ZNF366: variants seen among roughly 807,000 people sequenced by gnomAD.
The protein encoded by ZNF366 is dendritic cell-specific transcript protein.
In ZNF366, 20 loss-of-function variants were observed where a neutral mutation model predicts 47.2. That is an observed-to-expected ratio of 0.42 (90% CI 0.30 to 0.62). The LOEUF is 0.62. ZNF366 is among the 20% of genes least tolerant of loss of function. The probability of loss-of-function intolerance (pLI) is 0.16; values close to 1 mark genes in which losing one functional copy is unlikely to be tolerated. For missense variants in ZNF366, 987 were observed against 976.3 expected (o/e 1.01, Z -0.15); for synonymous variants, 421 against 395.1 (o/e 1.07, Z -0.78).
chr5:72,452,127 T>C (rs1246909707), intron 3 of ZNF366, among the ~76,000 whole-genome samples: 1 of 152,226 alleles, frequency 6.6e-6, no homozygotes, highest in East Asian at 1.9e-4. Context: ...TGTTTTCCTA[T>C]TCAGAGAGAA....
rs1453608745 is a variant in ZNF366, at chr5:72,442,671, T to C, written c.*1085A>G. On this transcript the variant is annotated 3_prime_UTR_variant, in exon 5 of 5. Coordinates refer to ENST00000318442, the MANE Select transcript of ZNF366 (RefSeq NM_152625.3). ...CTGTCCTTTTTTTTTTTTTTTTTTTTTTGAGGCAGAGTCTCACTCTGTCAC... is the reference window on the plus strand; with the variant it reads ...CTGTCCTTTTTTTTTTTTTTTTTTTCTTGAGGCAGAGTCTCACTCTGTCAC... The C allele has an allele frequency of 6.8e-6, 1 of 147,676 alleles. No homozygotes were observed. The highest frequency in any genetic ancestry group is 2.5e-5 in the African/African-American group (1 of 39,884). The allele number at this position is 147,676 out of a possible 1,614,324, so 9.1% of individuals were successfully genotyped here. A position where few individuals can be genotyped will look rare whatever the true frequency, so the allele number is the denominator to read the frequency against.
chr5:72,493,967 T>G (rs1744062990), intron 1 of ZNF366, among the ~76,000 whole-genome samples: 2 of 141,030 alleles, frequency 1.4e-5, no homozygotes, highest in South Asian at 5.0e-4. Flanking sequence ...GAGGTGGGGT[T>G]TCACCATATT....
intron 3 of ZNF366, among the ~76,000 whole-genome samples, chr5:72,454,118 T>A (rs922118302): frequency 1.3e-5 from 2 of 152,256 alleles, no homozygotes; most frequent in African/African-American, 4.8e-5. Flanking sequence ...TGGGTTGTGA[T>A]GGTGTGGACC....
intron 1 of ZNF366, among the ~76,000 whole-genome samples, chr5:72,480,867 A>G (rs2112343724): frequency 6.6e-6 from 1 of 152,348 alleles, no homozygotes; most frequent in East Asian, 1.9e-4. Flanking sequence ...AAATTCATGG[A>G]AAATTCCACG....
At chr5:72,450,032 G>T (rs1743034208) in intron 3 of ZNF366, among the ~76,000 whole-genome samples, 1 of 152,172 alleles carries the variant, frequency 6.6e-6, no homozygotes. Flanking sequence ...CATGATGAGA[G>T]AAATTCTTTC....
intron 1 of ZNF366, among the ~76,000 whole-genome samples, chr5:72,466,190 A>G (rs1411095582): frequency 6.6e-6 from 1 of 152,106 alleles, no homozygotes; most frequent in Non-Finnish European, 1.5e-5. Flanking sequence ...AAGGTGAACC[A>G]CGCTCAAAAA....
At chr5:72,478,426 T>C (rs1339028855) in intron 1 of ZNF366, among the ~76,000 whole-genome samples, 1 of 152,120 alleles carries the variant, frequency 6.6e-6, no homozygotes, top group Non-Finnish European at 1.5e-5. Flanking sequence ...AATCAAAGCA[T>C]AGAAAGGAAC....
intron 3 of ZNF366, among the ~76,000 whole-genome samples, chr5:72,451,841 G>A (rs1363406911): frequency 2.6e-5 from 4 of 152,226 alleles, no homozygotes; most frequent in Non-Finnish European, 5.9e-5. Context: ...CCCATCCTTA[G>A]TCTGCCCTTT....
At position 72,507,334 on chromosome 5, in the gene ZNF366, C is replaced by T. The variant is rs1744338985; in HGVS notation, c.-98G>A. 1.0e-6 allele frequency: 1 copy of T among 985,434 alleles called. No homozygotes were observed. The highest frequency in any genetic ancestry group is 1.2e-6 in the Non-Finnish European group (1 of 830,002). The allele number at this position is 985,434 out of a possible 1,614,324, so 61.0% of individuals were successfully genotyped here. A position where few individuals can be genotyped will look rare whatever the true frequency, so the allele number is the denominator to read the frequency against. ...CTCTGTCTCTCTCCCTCTCTCTCTCCCTCTTTCTCTTGTGTACAGATTGCA... is the reference window on the plus strand; with the variant it reads ...CTCTGTCTCTCTCCCTCTCTCTCTCTCTCTTTCTCTTGTGTACAGATTGCA... On this transcript the variant is annotated 5_prime_UTR_variant, in exon 1 of 5. Transcript: ENST00000318442.
intron 3 of ZNF366, among the ~76,000 whole-genome samples, chr5:72,454,228 A>G (rs1224496177): frequency 2.6e-5 from 4 of 152,216 alleles, no homozygotes; most frequent in African/African-American, 9.6e-5. Flanking sequence ...ATGCACCATC[A>G]TTGGAGTGGA....
At position 72,443,826 on chromosome 5, in the gene ZNF366, T is replaced by C. The variant is rs1210729234; in HGVS notation, c.2165A>G (p.His722Arg). ...TAATTCTTTCAAACTCTCATCTCTG[T>C]GCTTGAAGTATAAGTAATCAGAAAA... ...PSFSDYLYFK[H>R]RDESLKELLE... Residue 722 changes from histidine to arginine, a missense_variant, in exon 5 of 5, where the codon CAC becomes CGC. Around this residue, in one of 3 missense-constraint regions of ZNF366, gnomAD observed 285 missense variants for 234.8 expected, o/e 1.21. Coordinates refer to ENST00000318442, the MANE Select transcript of ZNF366 (RefSeq NM_152625.3). 3 of 1,614,220 alleles carry C rather than the reference T, an allele frequency of 1.9e-6. No individual in the cohort carries two copies. The highest frequency in any genetic ancestry group is 1.1e-5 in the South Asian group (1 of 91,088).
intron 1 of ZNF366, among the ~76,000 whole-genome samples, chr5:72,471,235 T>C (rs79937173): frequency 1.9e-3 from 290 of 152,332 alleles, no homozygotes; most frequent in African/African-American, 6.8e-3. Context: ...TTATTTTATG[T>C]AGTAGACTTC....
chr5:72,494,113 C>T (rs2112353382), intron 1 of ZNF366: 1 of 152,084 alleles, frequency 6.6e-6, no homozygotes, highest in African/African-American at 2.4e-5. Context: ...ATTACTGTAA[C>T]ATAAACGTAA....
chr5:72,492,021 G>A (rs1010136438), intron 1 of ZNF366, among the ~76,000 whole-genome samples: 3 of 152,190 alleles, frequency 2.0e-5, no homozygotes, highest in South Asian at 4.1e-4. Flanking sequence ...GCAAAGCAAC[G>A]TGACCTACTA....
chr5:72,491,007 AG>A (rs1443319974), intron 1 of ZNF366, among the ~76,000 whole-genome samples: 1 of 152,216 alleles, frequency 6.6e-6, no homozygotes, highest in Non-Finnish European at 1.5e-5. Flanking sequence ...CGAAGAAGAC[AG>A]GGTCAGCTCT....
chr5:72,460,909 G>T lies in ZNF366; in HGVS notation c.588C>A (p.Phe196Leu), dbSNP rs1387074081. The change falls in exon 2 of 5, where the codon TTC becomes TTA. Residue 196 changes from phenylalanine to leucine, a missense_variant. Phe to Leu is a conservative substitution (Grantham distance 22). Coordinates refer to ENST00000318442, the MANE Select transcript of ZNF366 (RefSeq NM_152625.3). Reference protein sequence around the residue: ...FPFFVPSSSPFPFSRHTFLPK... With the variant: ...FPFFVPSSSPLPFSRHTFLPK... Reference sequence around the variant, plus strand: ...GCAGGAAGGTGTGCCGGCTGAAGGGGAAGGGCGAGGACGAGGGCACGAAGA... The same window carrying T: ...GCAGGAAGGTGTGCCGGCTGAAGGGTAAGGGCGAGGACGAGGGCACGAAGA... 1 of 1,612,854 alleles carries T rather than the reference G, an allele frequency of 6.2e-7. No individual in the cohort carries two copies. Among genetic ancestry groups the T allele is most frequent in the East Asian group, 2.2e-5 (1 of 44,856 alleles).
At chr5:72,478,611 G>A (rs1171145612) in intron 1 of ZNF366, among the ~76,000 whole-genome samples, 1 of 152,186 alleles carries the variant, frequency 6.6e-6, no homozygotes, top group East Asian at 1.9e-4. Context: ...TTAAATTTGA[G>A]AGTCTATTTA....
At chr5:72,454,381 A>G (rs1025352114) in intron 3 of ZNF366, among the ~76,000 whole-genome samples, 1 of 152,172 alleles carries the variant, frequency 6.6e-6, no homozygotes, top group Admixed American at 6.5e-5. Flanking sequence ...CTCAGATACT[A>G]CCTGGTCCAA....
chr5:72,470,267 A>G (rs192423042), intron 1 of ZNF366, among the ~76,000 whole-genome samples: 2 of 152,290 alleles, frequency 1.3e-5, no homozygotes. Flanking sequence ...CTAAGTTGCC[A>G]TGGCCCCACC....
Sources: gnomAD v4.1 joint callset for allele counts (sites outside exome capture counted in the v4.1 genomes callset) on GRCh38, gnomAD v4.1.1 for gene constraint, gnomAD v4.1.1 regional missense constraint, MANE v1.5 for transcripts, NCBI Gene and HGNC (gene_info 2026-07-23, HGNC 2026-07-21) for gene names.